Variants in ANO3 observed in about 807,000 individuals in gnomAD.
ANO3 encodes the protein anoctamin-3.
A neutral mutation model predicts 144.8 loss-of-function variants in ANO3; 99 were observed. The observed-to-expected ratio is 0.68, with a 90% confidence interval of 0.58 to 0.81. ANO3 has a LOEUF of 0.81. ANO3 is among the 30% of genes least tolerant of loss of function. The pLI is 0.00. For missense variants in ANO3, 905 were observed against 1,202.2 expected (o/e 0.75, Z 3.66); for synonymous variants, 414 against 392.6 (o/e 1.05, Z -0.64).
rs181390238 is a variant in ANO3 at position 26,507,111 on chromosome 11, G to T, written c.433-993G>T. On this transcript the variant is annotated intron_variant, in intron 4 of 26. Transcript: ENST00000256737. Reference sequence around the variant, plus strand: ...TGAACTTGGAGGCAGAAGAAATTGGGTTCAAGTCCTGGCTCCTCATTGATC... The same window carrying T: ...TGAACTTGGAGGCAGAAGAAATTGGTTTCAAGTCCTGGCTCCTCATTGATC... 3.3e-3 allele frequency among the ~76,000 whole-genome samples: 499 copies of T among 152,278 alleles called. 3 individuals are homozygous for T. Among genetic ancestry groups the T allele is most frequent in the African/African-American group, 0.011 (470 of 41,552 alleles).
At chr11:26,320,148 T>C (rs1447588591) in intron 1 of ANO3, among the ~76,000 whole-genome samples, 1 of 152,010 alleles carries the variant, frequency 6.6e-6, no homozygotes, top group Non-Finnish European at 1.5e-5. Context: ...TGGGCTGGAG[T>C]TCCTGTAGAG....
rs967377519 is a variant in ANO3, at chr11:26,191,244, C to T, written c.154+1914C>T. Among the ~76,000 whole-genome samples, 19 of 151,610 alleles carry T rather than the reference C, an allele frequency of 1.3e-4. 1 individual carries two copies. The highest frequency in any genetic ancestry group is 4.9e-5 in the African/African-American group (2 of 41,208). On this transcript the variant is annotated intron_variant, in intron 1 of 27. Transcript: ENST00000672621. ...GGTGAGCTGAGATTGCGCCATTGCA[C>T]GCCAGCCTGGGCAACAAGAGCAAAA...
At chr11:26,541,197 G>C (rs572823040) in intron 10 of ANO3, among the ~76,000 whole-genome samples, 1 of 152,000 alleles carries the variant, frequency 6.6e-6, no homozygotes, top group African/African-American at 2.4e-5. Flanking sequence ...ACACAGGAAC[G>C]GAAAACGAAA....
intron 4 of ANO3, among the ~76,000 whole-genome samples, chr11:26,470,429 A>G (rs1288069797): frequency 1.6e-5 from 2 of 123,552 alleles, no homozygotes; most frequent in Non-Finnish European, 3.3e-5. Flanking sequence ...AAAAAAACAG[A>G]AAAAAAAAAA....
At chr11:26,651,841 G>A (rs951043263) in intron 24 of ANO3, among the ~76,000 whole-genome samples, 3 of 152,134 alleles carry the variant, frequency 2.0e-5, no homozygotes, top group Non-Finnish European at 4.4e-5. Flanking sequence ...CAATTCTTTA[G>A]TCATTATGAT....
chr11:26,631,121 A>G (rs572250764), intron 18 of ANO3, among the ~76,000 whole-genome samples: 1 of 152,012 alleles, frequency 6.6e-6, no homozygotes, highest in Non-Finnish European at 1.5e-5. Context: ...AATTATTGAT[A>G]GGATGTTTAG....
rs1445316169 is a variant in ANO3, at chr11:26,427,230, T to TTG, written c.47-14688_47-14687insTG. On this transcript the variant is annotated intron_variant, in intron 1 of 26. Coordinates refer to ENST00000256737, the MANE Select transcript of ANO3 (RefSeq NM_031418.4). ...CCAAACAACAAGTTCAAGATCAGCATGAAATTGGAAATCCAGGATCCTAGG... is the reference window on the plus strand; with the variant it reads ...CCAAACAACAAGTTCAAGATCAGCATTGGAAATTGGAAATCCAGGATCCTAGG... 1.7e-5 allele frequency: 3 copies of TTG among 181,170 alleles called. No individual in the cohort carries two copies. The East Asian group carries it at 4.0e-4, about 24-fold the overall frequency. 11.2% of individuals were successfully genotyped at this position (181,170 alleles called of 1,614,324 possible).
At chr11:26,490,086 C>A (rs373409187) in intron 4 of ANO3, among the ~76,000 whole-genome samples, 3 of 152,122 alleles carry the variant, frequency 2.0e-5, no homozygotes, top group East Asian at 3.9e-4. Context: ...TGAATTGTAT[C>A]TCCCAGAGTT....
chr11:26,349,743 T>A (rs1405955154), intron 1 of ANO3, among the ~76,000 whole-genome samples: 1 of 151,646 alleles, frequency 6.6e-6, no homozygotes, highest in Non-Finnish European at 1.5e-5. Flanking sequence ...AGAGACGGGG[T>A]TTCACTGTGT....
chr11:26,643,029 A>G (rs1033844278), intron 22 of ANO3, among the ~76,000 whole-genome samples, 153 bp from the exon 23 acceptor site: 1 of 152,246 alleles, frequency 6.6e-6, no homozygotes, highest in African/African-American at 2.4e-5. Context: ...AGTTTAATTA[A>G]CATATATGAA....
intron 3 of ANO3, among the ~76,000 whole-genome samples, chr11:26,457,082 G>T (rs1198041720): frequency 8.4e-6 from 1 of 119,620 alleles, no homozygotes; most frequent in Non-Finnish European, 1.7e-5. Context: ...TTGTGGGGTG[G>T]GGGGAGGGGG....
At chr11:26,645,468 T>G (rs1853315294) in intron 23 of ANO3, among the ~76,000 whole-genome samples, 1 of 151,898 alleles carries the variant, frequency 6.6e-6, no homozygotes, top group Non-Finnish European at 1.5e-5. Flanking sequence ...AGGGGAGATT[T>G]TCTGGCTAAT....
At chr11:26,441,753 CTCT>C (rs952764709) in intron 1 of ANO3, among the ~76,000 whole-genome samples, 162 bp from the exon 2 acceptor site, 3 of 152,164 alleles carry the variant, frequency 2.0e-5, no homozygotes, top group Non-Finnish European at 4.4e-5. Flanking sequence ...ATCTCAAACA[CTCT>C]TCTTGACAAA....
At chr11:26,655,246 T>G (rs1033554376) in intron 24 of ANO3, among the ~76,000 whole-genome samples, 3 of 152,176 alleles carry the variant, frequency 2.0e-5, no homozygotes, top group Non-Finnish European at 2.9e-5. Context: ...ATCAGCCCCA[T>G]GCAATTGGTA....
At position 26,661,206 on chromosome 11, in the gene ANO3, C is replaced by T. The variant is rs1034336638; in HGVS notation, c.*762C>T. On this transcript the variant is annotated 3_prime_UTR_variant, in exon 27 of 27. Transcript: ENST00000256737. ...TACTAAATGCCAATAAAGCCACATACTTATAAACTATGAATGGCTATTCTT... is the reference window on the plus strand; with the variant it reads ...TACTAAATGCCAATAAAGCCACATATTTATAAACTATGAATGGCTATTCTT... The T allele has an allele frequency of 3.3e-5, 5 of 152,574 alleles. No homozygotes were observed. Among genetic ancestry groups the T allele is most frequent in the African/African-American group, 1.2e-4 (5 of 41,446 alleles). The allele number at this position is 152,574 out of a possible 1,614,324, so 9.5% of individuals were successfully genotyped here. A position where few individuals can be genotyped will look rare whatever the true frequency, so the allele number is the denominator to read the frequency against.
At chr11:26,608,621 C>A (rs984137262) in intron 17 of ANO3, among the ~76,000 whole-genome samples, 2 of 152,114 alleles carry the variant, frequency 1.3e-5, no homozygotes, top group Admixed American at 1.3e-4. Context: ...GATTAGAGTT[C>A]TGTCCCTGAG....
intron 4 of ANO3, among the ~76,000 whole-genome samples, chr11:26,493,892 T>A (rs572034054): frequency 2.0e-5 from 3 of 152,188 alleles, no homozygotes; most frequent in Non-Finnish European, 4.4e-5. Context: ...CTAAATACCT[T>A]CTTTCAAGCC....
At chr11:26,434,145 T>C (rs148911586) in intron 1 of ANO3, among the ~76,000 whole-genome samples, 1 of 152,260 alleles carries the variant, frequency 6.6e-6, no homozygotes, top group Non-Finnish European at 1.5e-5. Flanking sequence ...CTTGATTCAG[T>C]CTTGGGAGGG....
chr11:26,351,867 C>T (rs554695640), intron 1 of ANO3, among the ~76,000 whole-genome samples: 8 of 152,080 alleles, frequency 5.3e-5, no homozygotes, highest in South Asian at 2.1e-4. Context: ...CTAGTTTGAC[C>T]GCACTAATAT....
Sources: allele counts gnomAD v4.1 joint callset (sites outside exome capture counted in the v4.1 genomes callset), GRCh38; gene constraint gnomAD v4.1.1; transcripts MANE v1.5; gene names NCBI Gene and HGNC (gene_info 2026-07-23, HGNC 2026-07-21).